The following SEL1L variants were observed in gnomAD, a reference collection of about 807,000 sequenced individuals.
The protein encoded by SEL1L is SEL1L adaptor subunit of SYVN1 ubiquitin ligase.
SEL1L carries 52 observed loss-of-function variants against 109.8 expected under a neutral mutation model. The observed-to-expected ratio is 0.47, with a 90% CI of 0.38 to 0.60. The LOEUF is 0.60. SEL1L is among the 20% of genes least tolerant of loss of function. The pLI is 0.00. For synonymous variants in SEL1L, 373 were observed against 339.6 expected, an observed-to-expected ratio of 1.10 and a Z score of -1.08; for missense variants, 749 against 962.2, an observed-to-expected ratio of 0.78 and a Z score of 2.93.
At chr14:81,481,393 C>T (rs1903351819) in intron 19 of SEL1L, among the ~76,000 whole-genome samples, 1 of 152,100 alleles carries the variant, frequency 6.6e-6, no homozygotes, top group Admixed American at 6.5e-5. Context: ...TAGGGTGTGT[C>T]ATTATTTAAA....
At chr14:81,515,320 T>C (rs965474723) in intron 3 of SEL1L, among the ~76,000 whole-genome samples, 31 of 152,336 alleles carry the variant, frequency 2.0e-4, no homozygotes, top group African/African-American at 7.2e-4. Context: ...CTACAGGGTC[T>C]AGGGCAAACC....
At chr14:81,523,021 G>A (rs117588205) in intron 3 of SEL1L, among the ~76,000 whole-genome samples, 1,666 of 152,278 alleles carry the variant, frequency 0.011, 13 homozygotes, top group South Asian at 0.036. Flanking sequence ...AATGATGCTT[G>A]TGATATTGTG....
Position 81,509,834 on chromosome 14 carries a change from T to C in SEL1L, c.341-3593A>G, listed in dbSNP as rs1230931759. Among the ~76,000 whole-genome samples, 3 of 152,142 alleles carry C rather than the reference T, an allele frequency of 2.0e-5. No individual in the cohort carries two copies. In the East Asian group the frequency reaches 5.8e-4, roughly 29 times the overall value. On this transcript the variant is annotated intron_variant, in intron 3 of 20. Transcript: ENST00000336735. ...CTTCCAGGATGTTTACTTAAAAAAA[T>C]GCTCCCATAAACACACAAAGAGATT...
chr14:81,508,293 C>T (rs1215395810), intron 3 of SEL1L, among the ~76,000 whole-genome samples: 1 of 151,970 alleles, frequency 6.6e-6, no homozygotes, highest in Non-Finnish European at 1.5e-5. Context: ...CTTTTTTTAC[C>T]TTTGCTTTGT....
intron 8 of SEL1L, chr14:81,499,256 A>C: frequency 8.1e-7 from 1 of 1,238,304 alleles, no homozygotes; most frequent in Non-Finnish European, 1.0e-6. Flanking sequence ...ATTTTAAAGA[A>C]AAATTGTGGA....
intron 3 of SEL1L, among the ~76,000 whole-genome samples, chr14:81,513,718 C>T (rs61986626): frequency 0.16 from 24,446 of 152,200 alleles, 2,430 homozygotes; most frequent in Middle Eastern, 0.22. Context: ...GGACTAAAGA[C>T]ACGGATGTCA....
At chr14:81,487,368 A>G in intron 16 of SEL1L, 22 bp downstream of exon 16, 1 of 1,552,736 alleles carries the variant, frequency 6.4e-7, no homozygotes, top group Non-Finnish European at 8.6e-7. Flanking sequence ...CCCTACACAC[A>G]AGCTGGTAGG....
intron 19 of SEL1L, among the ~76,000 whole-genome samples, chr14:81,481,555 T>A (rs1216224874): frequency 6.6e-6 from 1 of 152,258 alleles, no homozygotes; most frequent in African/African-American, 2.4e-5. Flanking sequence ...ACTAGGGTAA[T>A]TAAATAGATT....
chr14:81,509,735 A>G (rs1884385810), intron 3 of SEL1L, among the ~76,000 whole-genome samples: 1 of 152,170 alleles, frequency 6.6e-6, no homozygotes, highest in African/African-American at 2.4e-5. Context: ...GATTAATACA[A>G]TCTCTTCAAG....
intron 19 of SEL1L, among the ~76,000 whole-genome samples, chr14:81,482,034 GAA>G (rs34538691): frequency 7.3e-6 from 1 of 137,812 alleles, no homozygotes. Context: ...CCATCTCACC[GAA>G]AAAAAAAAAA....
At position 81,476,264 on chromosome 14, in the gene SEL1L, A is replaced by C. The variant is rs1005058481; in HGVS notation, c.*708T>G. 1.3e-5 allele frequency: 2 copies of C among 152,234 alleles called. No homozygotes were observed. The highest frequency in any genetic ancestry group is 4.8e-5 in the African/African-American group (2 of 41,448). 9.4% of individuals were successfully genotyped at this position (152,234 alleles called of 1,614,324 possible). A position where few individuals can be genotyped will look rare whatever the true frequency, so the allele number is the denominator to read the frequency against. On this transcript the variant is annotated 3_prime_UTR_variant, in exon 21 of 21. Transcript: ENST00000336735. Reference sequence around the variant, plus strand: ...AAGGAGTCAGTTCACAAGGTTTTGCATAAGTATATTCCATTCCAAAGAAGT... The same window carrying C: ...AAGGAGTCAGTTCACAAGGTTTTGCCTAAGTATATTCCATTCCAAAGAAGT...
chr14:81,477,206 A>G lies in SEL1L; in HGVS notation c.2176-25T>C, dbSNP rs372460407. 5.5e-5 allele frequency: 86 copies of G among 1,557,142 alleles called. No homozygotes were observed. In the Middle Eastern group the frequency reaches 1.0e-3, roughly 18 times the overall value. ...TCTTAATGAAAATAATATAGAAACCATTATTATCACTAAAATGTCAGGCAA... is the reference window on the plus strand; with the variant it reads ...TCTTAATGAAAATAATATAGAAACCGTTATTATCACTAAAATGTCAGGCAA... On this transcript the variant is annotated intron_variant, in intron 20 of 20. Coordinates refer to ENST00000336735, the MANE Select transcript of SEL1L (RefSeq NM_005065.6).
At chr14:81,477,285 T>A in intron 20 of SEL1L, 104 bp from the exon 21 acceptor site, 1 of 945,776 alleles carries the variant, frequency 1.1e-6, no homozygotes, top group Non-Finnish European at 1.6e-6. Flanking sequence ...AAATAATTTG[T>A]TTTAAAAACG....
At chr14:81,514,252 T>C (rs1049259245) in intron 3 of SEL1L, among the ~76,000 whole-genome samples, 3 of 152,184 alleles carry the variant, frequency 2.0e-5, no homozygotes, top group Non-Finnish European at 4.4e-5. Flanking sequence ...AAGCTATTCC[T>C]GAAGCTAGGA....
intron 19 of SEL1L, among the ~76,000 whole-genome samples, chr14:81,482,186 G>A (rs771813995): frequency 2.6e-5 from 4 of 151,846 alleles, no homozygotes; most frequent in Non-Finnish European, 5.9e-5. Context: ...TTATTCACAA[G>A]AATTTCTATT....
chr14:81,522,459 C>T (rs1213892662), intron 3 of SEL1L, among the ~76,000 whole-genome samples: 2 of 152,164 alleles, frequency 1.3e-5, no homozygotes, highest in Non-Finnish European at 2.9e-5. Flanking sequence ...TAGATATACA[C>T]ATAATTACCA....
Position 81,533,793 on chromosome 14 carries a change from T to TGCCACCACGGACTCA in SEL1L, c.-64_-50dup, listed in dbSNP as rs753784004. On this transcript the variant is annotated 5_prime_UTR_variant, in exon 1 of 21. Coordinates refer to ENST00000336735, the MANE Select transcript of SEL1L (RefSeq NM_005065.6). The stretch of plus-strand genomic sequence containing the variant: ...CCCCTAGAGCTGTCGCCTTCGCCTC[T>TGCCACCACGGACTCA]GCCACCACGGACTCAGCCACCACCG... The TGCCACCACGGACTCA allele has an allele frequency of 3.2e-6, 5 of 1,570,474 alleles. No individual in the cohort carries two copies. The African/African-American group carries it at 4.1e-5, about 13-fold the overall frequency.
intron 19 of SEL1L, among the ~76,000 whole-genome samples, chr14:81,482,768 G>A (rs1903398831): frequency 6.6e-6 from 1 of 152,134 alleles, no homozygotes; most frequent in African/African-American, 2.4e-5. Flanking sequence ...AAAAGAAAAT[G>A]TCCAAATGTG....
chr14:81,509,330 G>A (rs1041272263), intron 3 of SEL1L, among the ~76,000 whole-genome samples: 2 of 152,164 alleles, frequency 1.3e-5, no homozygotes, highest in African/African-American at 4.8e-5. Flanking sequence ...GGTAATCACT[G>A]CTCTGGTATA....
Sources: gnomAD v4.1 joint callset for allele counts (sites outside exome capture counted in the v4.1 genomes callset) on GRCh38, gnomAD v4.1.1 for gene constraint, MANE v1.5 for transcripts, NCBI Gene and HGNC (gene_info 2026-07-23, HGNC 2026-07-21) for gene names.